TMEM260: variants seen among roughly 807,000 people sequenced by gnomAD.
TMEM260 encodes protein O-mannosyl-transferase TMEM260.
A neutral mutation model predicts 88.9 loss-of-function variants in TMEM260; 82 were observed. The ratio of observed to expected loss-of-function variants is 0.92; its 90% CI spans 0.77 to 1.11. TMEM260 has a LOEUF of 1.11. Among genes scored for constraint, TMEM260 ranks in the 50% least tolerant of loss-of-function variants. TMEM260 has a pLI of 0.00. For synonymous variants in TMEM260, 314 were observed against 309.3 expected (o/e 1.02, Z -0.16); for missense variants, 902 against 853.4 (o/e 1.06, Z -0.71).
chr14:56,579,877 G>A lies in TMEM260; in HGVS notation c.-38G>A. On this transcript the variant is annotated 5_prime_UTR_variant, in exon 1 of 16. Coordinates refer to ENST00000261556, the MANE Select transcript of TMEM260 (RefSeq NM_017799.4). The stretch of plus-strand genomic sequence containing the variant: ...AGCTCCGTGTCGCACCGGGTTCTTG[G>A]GCTGGCCGTGTCCTTCTCCCTCGGT... 1 of 1,231,570 alleles carries A rather than the reference G, an allele frequency of 8.1e-7. No homozygotes were observed. Among genetic ancestry groups the A allele is most frequent in the Non-Finnish European group, 1.0e-6 (1 of 987,576 alleles). 76.3% of individuals were successfully genotyped at this position (1,231,570 alleles called of 1,614,324 possible).
chr14:56,639,966 A>C (rs1889445226), intron 15 of TMEM260, among the ~76,000 whole-genome samples: 1 of 152,212 alleles, frequency 6.6e-6, no homozygotes, highest in Non-Finnish European at 1.5e-5. Flanking sequence ...AGGCTTCAGC[A>C]GGTAAACAAA....
rs1357349127 is a variant in TMEM260 at position 56,580,040 on chromosome 14, C to A, written c.126C>A (p.Phe42Leu). The change falls in exon 1 of 16, where the codon TTC becomes TTA. Residue 42 changes from phenylalanine to leucine, a missense_variant. Coordinates refer to ENST00000261556, the MANE Select transcript of TMEM260 (RefSeq NM_017799.4). Reference sequence around the variant, plus strand: ...CCGCCGTGGCCGCAGTGTTCACCTTCACCCTGCCCCCTTCGGTACCGGGGG... The same window carrying A: ...CCGCCGTGGCCGCAGTGTTCACCTTAACCCTGCCCCCTTCGGTACCGGGGG... ...VFAAVAAVFT[F>L]TLPPSVPGGD... 8.0e-7 allele frequency: 1 copy of A among 1,251,186 alleles called. No individual in the cohort carries two copies. The highest frequency in any genetic ancestry group is 3.1e-5 in the East Asian group (1 of 32,108). 77.5% of individuals were successfully genotyped at this position (1,251,186 alleles called of 1,614,324 possible). A position where few individuals can be genotyped will look rare whatever the true frequency, so the allele number is the denominator to read the frequency against.
At chr14:56,587,888 GGAA>G (rs1216727334) in intron 3 of TMEM260, among the ~76,000 whole-genome samples, 1 of 152,014 alleles carries the variant, frequency 6.6e-6, no homozygotes, top group Non-Finnish European at 1.5e-5. Context: ...TTGATTGAGT[GGAA>G]GAAGACATTA....
intron 3 of TMEM260, among the ~76,000 whole-genome samples, chr14:56,590,503 A>G (rs1340992298): frequency 6.6e-6 from 1 of 152,198 alleles, no homozygotes; most frequent in African/African-American, 2.4e-5. Context: ...CATGTGTAAG[A>G]TGAGGAAGAG....
intron 3 of TMEM260, among the ~76,000 whole-genome samples, chr14:56,598,076 G>A (rs1208742838): frequency 6.6e-6 from 1 of 152,164 alleles, no homozygotes; most frequent in Non-Finnish European, 1.5e-5. Context: ...GCTGGGAACA[G>A]ATCTGTTTTT....
intron 3 of TMEM260, among the ~76,000 whole-genome samples, chr14:56,594,550 T>C (rs190715382): frequency 3.9e-4 from 60 of 152,364 alleles, no homozygotes; most frequent in African/African-American, 1.3e-3. Context: ...TTTTTGATTA[T>C]GTCATTTTTA....
At chr14:56,632,217 C>G (rs1035933870) in intron 12 of TMEM260, among the ~76,000 whole-genome samples, 1 of 152,212 alleles carries the variant, frequency 6.6e-6, no homozygotes, top group African/African-American at 2.4e-5. Flanking sequence ...TTTTGGTTCT[C>G]TAGCCAGAAA....
At chr14:56,619,838 G>A (rs992958263) in intron 10 of TMEM260, among the ~76,000 whole-genome samples, 1 of 152,106 alleles carries the variant, frequency 6.6e-6, no homozygotes, top group South Asian at 2.1e-4. Context: ...ACATGCATGC[G>A]AATGTTTATT....
chr14:56,586,276 C>T (rs769315904), intron 3 of TMEM260, among the ~76,000 whole-genome samples: 4 of 152,122 alleles, frequency 2.6e-5, no homozygotes, highest in African/African-American at 4.8e-5. Context: ...TGCTGACGAG[C>T]AGCTGCCTAT....
chr14:56,596,588 AC>A (rs1886247544), intron 3 of TMEM260, among the ~76,000 whole-genome samples: 1 of 149,722 alleles, frequency 6.7e-6, no homozygotes, highest in South Asian at 2.1e-4. Flanking sequence ...ACATGGAGAA[AC>A]CCCGTCTCTA....
chr14:56,654,203 C>G (rs1407786684), downstream of TMEM260, among the ~76,000 whole-genome samples: 4 of 152,048 alleles, frequency 2.6e-5, no homozygotes, highest in South Asian at 4.2e-4. Context: ...ATTTTCTTGC[C>G]CTTTCTGGAC....
intron 3 of TMEM260, among the ~76,000 whole-genome samples, chr14:56,591,972 T>G (rs1196569454): frequency 6.6e-6 from 1 of 152,212 alleles, no homozygotes; most frequent in Non-Finnish European, 1.5e-5. Flanking sequence ...CTAACCTTAC[T>G]CCCTGCATTT....
At position 56,585,611 on chromosome 14, in the gene TMEM260, G is replaced by A. The variant is rs1885443478; in HGVS notation, c.193-150G>A. 4 of 703,290 alleles carry A rather than the reference G, an allele frequency of 5.7e-6. No individual in the cohort carries two copies. In the East Asian group the frequency reaches 1.1e-4, roughly 19 times the overall value. 43.6% of individuals were successfully genotyped at this position (703,290 alleles called of 1,614,324 possible). On this transcript the variant is annotated intron_variant, in intron 2 of 15. Coordinates refer to ENST00000261556, the MANE Select transcript of TMEM260 (RefSeq NM_017799.4). Reference sequence around the variant, plus strand: ...ATATTTATTTGTATTGCCTCAAGAGGATTACAATAGAAAACCACTATTCAA... The same window carrying A: ...ATATTTATTTGTATTGCCTCAAGAGAATTACAATAGAAAACCACTATTCAA...
At chr14:56,605,527 A>T in intron 4 of TMEM260, 43 bp from the exon 5 acceptor site, 1 of 1,106,020 alleles carries the variant, frequency 9.0e-7, no homozygotes, top group Non-Finnish European at 1.3e-6. Context: ...TTAGAGTTTT[A>T]GGTGAATTTT....
chr14:56,626,579 A>G (rs1888256468), intron 12 of TMEM260, among the ~76,000 whole-genome samples: 1 of 152,216 alleles, frequency 6.6e-6, no homozygotes, highest in Non-Finnish European at 1.5e-5. Flanking sequence ...TATACTATCA[A>G]TGCCTTGTAA....
chr14:56,656,833 A>C, the TMEM260 span, among the ~76,000 whole-genome samples: 1 of 152,108 alleles, frequency 6.6e-6, no homozygotes, highest in South Asian at 2.1e-4. Context: ...TAAGCAGTTG[A>C]AGAAATGAAA....
rs1887571698 is a variant in TMEM260, at chr14:56,615,993, C to CT, written c.909dup (p.Ala304CysfsTer75). The CT allele has an allele frequency of 6.2e-7, 1 of 1,613,084 alleles. No individual in the cohort carries two copies. The highest frequency in any genetic ancestry group is 1.3e-5 in the African/African-American group (1 of 74,876). On this transcript the variant is annotated frameshift_variant, in exon 8 of 16. Coordinates refer to ENST00000261556, the MANE Select transcript of TMEM260 (RefSeq NM_017799.4). LOFTEE classifies it high-confidence loss of function. ...CGAACTCTCATTCAACATCCAAGCCCTTGCAGTTTGTGCAAATATATGTTT... is the reference window on the plus strand; with the variant it reads ...CGAACTCTCATTCAACATCCAAGCCCTTTGCAGTTTGTGCAAATATATGTTT...
chr14:56,580,183 C>G (rs1311647082), intron 1 of TMEM260, 109 bp downstream of exon 1: 1 of 859,496 alleles, frequency 1.2e-6, no homozygotes, highest in African/African-American at 1.7e-5. Flanking sequence ...AGCTCTGGGC[C>G]TCCATCCACC....
the TMEM260 span, among the ~76,000 whole-genome samples, chr14:56,662,596 A>G: frequency 6.6e-6 from 1 of 152,212 alleles, no homozygotes; most frequent in African/African-American, 2.4e-5. Flanking sequence ...GGCTTCCCCA[A>G]CACTGCCTTT....
Sources: allele counts gnomAD v4.1 joint callset (sites outside exome capture counted in the v4.1 genomes callset), GRCh38; gene constraint gnomAD v4.1.1; transcripts MANE v1.5; gene names NCBI Gene and HGNC (gene_info 2026-07-23, HGNC 2026-07-21).